SBF2: variants seen among roughly 807,000 people sequenced by gnomAD.
SBF2 encodes the protein SET binding factor 2.
In SBF2, 112 loss-of-function variants were observed where a neutral mutation model predicts 225.2. The ratio of observed to expected loss-of-function variants is 0.50; its 90% CI spans 0.43 to 0.58. The LOEUF (loss-of-function observed/expected upper bound fraction) is 0.58, where lower values mean the gene tolerates loss of function less well. SBF2 is among the 20% of genes least tolerant of loss of function. SBF2 has a pLI of 0.00. For missense variants in SBF2, 1,996 were observed against 2,206.2 expected, an observed-to-expected ratio of 0.90 and a Z score of 1.91; for synonymous variants, 763 against 773.3, an observed-to-expected ratio of 0.99 and a Z score of 0.22.
chr11:10,201,033 T>C (rs1957553312), intron 1 of SBF2, among the ~76,000 whole-genome samples: 1 of 152,214 alleles, frequency 6.6e-6, no homozygotes, highest in East Asian at 1.9e-4. Context: ...CAAAACAATC[T>C]GCTTGGAACT....
At chr11:9,787,536 A>C (rs1389592787) in intron 36 of SBF2, 98 bp downstream of exon 36, 6 of 1,010,546 alleles carry the variant, frequency 5.9e-6, no homozygotes, top group African/African-American at 1.6e-5. Flanking sequence ...TCTGGCCATA[A>C]ACCCAGCTGG....
At chr11:10,045,418 T>C (rs1200274545) in intron 2 of SBF2, among the ~76,000 whole-genome samples, 1 of 152,118 alleles carries the variant, frequency 6.6e-6, no homozygotes, top group African/African-American at 2.4e-5. Context: ...CCACCCGCCT[T>C]GGCCTCCCAA....
chr11:9,784,503 G>A, intron 37 of SBF2, 65 bp from the exon 38 acceptor site: 1 of 1,245,118 alleles, frequency 8.0e-7, no homozygotes, highest in Non-Finnish European at 1.2e-6. Context: ...TAAAGGGGAG[G>A]GGATATCTGT....
At chr11:10,187,130 T>C (rs914231205) in intron 2 of SBF2, among the ~76,000 whole-genome samples, 6 of 152,160 alleles carry the variant, frequency 3.9e-5, no homozygotes, top group Non-Finnish European at 8.8e-5. Flanking sequence ...CCTCCAGACA[T>C]ATCCCATAAA....
At position 9,993,918 on chromosome 11, in the gene SBF2, T is replaced by G; in HGVS notation, c.1053+3A>C. ...CATTAAATTTAAATATTAAACTTCT[T>G]ACCAGCATTTTTGAGTGGGATAAAG... On this transcript the variant is annotated splice_donor_region_variant and intron_variant, in intron 10 of 39. Coordinates refer to ENST00000256190, the MANE Select transcript of SBF2 (RefSeq NM_030962.4). The G allele has an allele frequency of 7.2e-7, 1 of 1,391,140 alleles. No individual in the cohort carries two copies. Among genetic ancestry groups the G allele is most frequent in the Non-Finnish European group, 1.0e-6 (1 of 976,712 alleles). 86.2% of individuals were successfully genotyped at this position (1,391,140 alleles called of 1,614,324 possible).
At chr11:9,851,135 C>CAAAAAAAAAAAAAAA (rs773210379) in intron 21 of SBF2, among the ~76,000 whole-genome samples, 1 of 72,510 alleles carries the variant, frequency 1.4e-5, no homozygotes, top group Non-Finnish European at 2.8e-5. Flanking sequence ...GACTCCATCT[C>CAAAAAAAAAAAAAAA]AAAAAAAAAA....
chr11:9,992,692 G>C (rs765620538), intron 11 of SBF2, 149 bp from the exon 12 acceptor site: 11 of 786,310 alleles, frequency 1.4e-5, no homozygotes, highest in Admixed American at 3.2e-5. Context: ...CTCAAAGAGA[G>C]TTATTCTGAA....
At chr11:9,953,145 A>C (rs1350880764) in intron 16 of SBF2, among the ~76,000 whole-genome samples, 2 of 152,238 alleles carry the variant, frequency 1.3e-5, no homozygotes, top group Non-Finnish European at 2.9e-5. Flanking sequence ...TGAGTGGATA[A>C]AGAAACTGTG....
intron 2 of SBF2, among the ~76,000 whole-genome samples, chr11:10,156,907 GA>G (rs1955503557): frequency 1.3e-5 from 2 of 152,078 alleles, no homozygotes; most frequent in African/African-American, 4.8e-5. Context: ...CACAGAACTA[GA>G]AAAAAACTAT....
At chr11:10,296,940 T>A (rs1310493571), upstream of SBF2, among the ~76,000 whole-genome samples, 1 of 152,242 alleles carries the variant, frequency 6.6e-6, no homozygotes, top group Admixed American at 6.5e-5. Flanking sequence ...CTGTTTTGCC[T>A]TTCCCTAAAG....
intron 17 of SBF2, among the ~76,000 whole-genome samples, chr11:9,868,619 A>G (rs894469695): frequency 1.3e-5 from 2 of 152,206 alleles, no homozygotes; most frequent in African/African-American, 2.4e-5. Context: ...AAGGTCAAAT[A>G]AGGTCTACAT....
chr11:10,276,131 T>C (rs1010268375), intron 1 of SBF2, among the ~76,000 whole-genome samples: 9 of 152,344 alleles, frequency 5.9e-5, no homozygotes, highest in African/African-American at 2.2e-4. Flanking sequence ...TAATTAGGAA[T>C]CTGGACTTAA....
intron 17 of SBF2, among the ~76,000 whole-genome samples, chr11:9,868,300 C>G (rs1292446139): frequency 7.4e-6 from 1 of 134,270 alleles, no homozygotes; most frequent in Non-Finnish European, 1.5e-5. Context: ...TGAGACCATC[C>G]TGGCTAACAC....
At chr11:10,003,058 T>C (rs1948042756) in intron 6 of SBF2, among the ~76,000 whole-genome samples, 1 of 152,230 alleles carries the variant, frequency 6.6e-6, no homozygotes, top group South Asian at 2.1e-4. Flanking sequence ...ACCAGCTTTG[T>C]TGTTGAAATT....
At chr11:9,903,895 G>C (rs1408082999) in intron 16 of SBF2, among the ~76,000 whole-genome samples, 1 of 152,078 alleles carries the variant, frequency 6.6e-6, no homozygotes, top group East Asian at 1.9e-4. Context: ...CTCATGCCCA[G>C]GAAGTTGCTT....
At position 9,787,617 on chromosome 11, in the gene SBF2, G is replaced by T; in HGVS notation, c.5037+17C>A. Reference sequence around the variant, plus strand: ...AGAAAGCTCAGAAGTGGCTCTCAAGGGGCATTGCCAACTCACGCGATCTGT... The same window carrying T: ...AGAAAGCTCAGAAGTGGCTCTCAAGTGGCATTGCCAACTCACGCGATCTGT... On this transcript the variant is annotated intron_variant, in intron 36 of 39. Transcript: ENST00000256190. The T allele has an allele frequency of 1.2e-6, 2 of 1,604,796 alleles. No individual in the cohort carries two copies. The highest frequency in any genetic ancestry group is 1.7e-6 in the Non-Finnish European group (2 of 1,171,484).
At chr11:9,968,829 T>C (rs997615445) in intron 13 of SBF2, among the ~76,000 whole-genome samples, 12 of 152,198 alleles carry the variant, frequency 7.9e-5, no homozygotes, top group African/African-American at 2.7e-4. Context: ...CCTAATCCCT[T>C]AACAATGTGA....
chr11:9,830,516 G>T (rs1855323610), intron 27 of SBF2, among the ~76,000 whole-genome samples: 1 of 152,106 alleles, frequency 6.6e-6, no homozygotes, highest in Admixed American at 6.6e-5. Flanking sequence ...GAGGCAGGCA[G>T]ATCACCTGAG....
chr11:9,993,668 T>A (rs1947540272), intron 10 of SBF2, among the ~76,000 whole-genome samples: 1 of 152,204 alleles, frequency 6.6e-6, no homozygotes, highest in African/African-American at 2.4e-5. Flanking sequence ...TGATTTTCTG[T>A]CCTACACTTA....
Sources: allele counts gnomAD v4.1 joint callset (sites outside exome capture counted in the v4.1 genomes callset), GRCh38; gene constraint gnomAD v4.1.1; transcripts MANE v1.5; gene names NCBI Gene and HGNC (gene_info 2026-07-23, HGNC 2026-07-21).